The following MCTP1 variants were observed in gnomAD, a reference collection of about 807,000 sequenced individuals.
MCTP1 encodes the protein multiple C2 and transmembrane domain-containing protein 1.
In MCTP1, 69 loss-of-function variants were observed where a neutral mutation model predicts 120.6. The ratio of observed to expected loss-of-function variants is 0.57; its 90% CI spans 0.47 to 0.70. The LOEUF (loss-of-function observed/expected upper bound fraction) is 0.70. Ranked by LOEUF, MCTP1 falls within the 30% of genes least tolerant of loss-of-function variation. MCTP1 has a pLI of 0.00. For missense variants in MCTP1, 1,203 were observed against 1,248.8 expected (o/e 0.96, Z 0.55); for synonymous variants, 529 against 493.1 (o/e 1.07, Z -0.96).
chr5:95,181,586 C>CACAT (rs1016749283), intron 1 of MCTP1, among the ~76,000 whole-genome samples: 2 of 152,014 alleles, frequency 1.3e-5, no homozygotes, highest in African/African-American at 4.8e-5. Context: ...AGTACACACA[C>CACAT]ACATACATAC....
chr5:94,838,880 G>C (rs1790392991), intron 17 of MCTP1, among the ~76,000 whole-genome samples: 1 of 152,140 alleles, frequency 6.6e-6, no homozygotes, highest in African/African-American at 2.4e-5. Flanking sequence ...GTAGCCAGGG[G>C]CAGATGTGGA....
At chr5:94,878,044 C>A (rs1316652687) in intron 12 of MCTP1, among the ~76,000 whole-genome samples, 2 of 152,042 alleles carry the variant, frequency 1.3e-5, no homozygotes, top group Non-Finnish European at 2.9e-5. Flanking sequence ...TTATTTTGGG[C>A]CTACCTTGTA....
intron 2 of MCTP1, among the ~76,000 whole-genome samples, chr5:95,003,383 T>C (rs972606212): frequency 2.0e-5 from 3 of 152,142 alleles, no homozygotes; most frequent in South Asian, 2.1e-4. Context: ...CTAAGAGCAA[T>C]GGGCTATAGC....
intron 19 of MCTP1, among the ~76,000 whole-genome samples, chr5:94,770,952 A>C (rs746199046): frequency 3.9e-5 from 6 of 152,176 alleles, no homozygotes; most frequent in Non-Finnish European, 8.8e-5. Flanking sequence ...CAGTGTTTCC[A>C]GCACTTATTG....
intron 17 of MCTP1, among the ~76,000 whole-genome samples, chr5:94,832,609 AACACACACAC>A (rs59233492): frequency 3.5e-4 from 52 of 147,220 alleles, no homozygotes; most frequent in Middle Eastern, 3.5e-3. Flanking sequence ...GGGCTAGCTG[AACACACACAC>A]ACACACACAC....
chr5:94,993,582 G>A (rs923463413), intron 2 of MCTP1, among the ~76,000 whole-genome samples: 1 of 152,086 alleles, frequency 6.6e-6, no homozygotes, highest in Non-Finnish European at 1.5e-5. Context: ...ATGGGATGAG[G>A]GGCTGCTGTG....
intron 17 of MCTP1, among the ~76,000 whole-genome samples, chr5:94,856,807 A>G (rs953433550): frequency 1.3e-5 from 2 of 151,724 alleles, no homozygotes; most frequent in Non-Finnish European, 2.9e-5. Context: ...GAGAGAGACT[A>G]ATGTTGTGGC....
chr5:95,054,885 G>T (rs952836028), intron 1 of MCTP1, among the ~76,000 whole-genome samples: 3 of 152,144 alleles, frequency 2.0e-5, no homozygotes, highest in Admixed American at 6.6e-5. Flanking sequence ...TCAGCTCACT[G>T]CAACCTCCGC....
At chr5:94,985,571 C>T (rs1830290718) in intron 2 of MCTP1, among the ~76,000 whole-genome samples, 1 of 152,120 alleles carries the variant, frequency 6.6e-6, no homozygotes, top group African/African-American at 2.4e-5. Context: ...ATTCCAAACC[C>T]AAGTCCTACT....
In MCTP1 at chr5:94,889,651, A is replaced by C. The variant is rs1696214534; in HGVS notation, c.1840-679T>G. On this transcript the variant is annotated intron_variant, in intron 11 of 22. Coordinates refer to ENST00000515393, the MANE Select transcript of MCTP1 (RefSeq NM_024717.7). ...AATTTATAGTTTTATTTGCCATTTT[A>C]GTATGTATAGAATGGAAACGTTGAT... 2.0e-5 allele frequency among the ~76,000 whole-genome samples: 3 copies of C among 152,016 alleles called. No homozygotes were observed. The South Asian group carries it at 6.2e-4, about 32-fold the overall frequency.
chr5:95,086,568 T>C (rs1019583650), intron 1 of MCTP1, among the ~76,000 whole-genome samples: 3 of 152,218 alleles, frequency 2.0e-5, no homozygotes, highest in Non-Finnish European at 4.4e-5. Context: ...CTGTGAGATA[T>C]AGTAAGACCT....
intron 1 of MCTP1, among the ~76,000 whole-genome samples, chr5:95,134,885 C>G (rs1759313523): frequency 6.7e-6 from 1 of 149,304 alleles, no homozygotes; most frequent in South Asian, 2.1e-4. Flanking sequence ...ATTGAAGTTA[C>G]TGTTTTTGAC....
At chr5:95,215,907 C>A (rs989488075) in intron 1 of MCTP1, among the ~76,000 whole-genome samples, 1 of 151,844 alleles carries the variant, frequency 6.6e-6, no homozygotes, top group African/African-American at 2.4e-5. Flanking sequence ...ACTTTTAATA[C>A]CTAAAGAATT....
intron 19 of MCTP1, among the ~76,000 whole-genome samples, chr5:94,747,944 G>C (rs1038849451): frequency 6.6e-6 from 1 of 152,052 alleles, no homozygotes; most frequent in African/African-American, 2.4e-5. Context: ...TATAAAAATT[G>C]CTCGGCGTAG....
chr5:95,164,891 T>C (rs1049178679), intron 1 of MCTP1, among the ~76,000 whole-genome samples: 3 of 152,148 alleles, frequency 2.0e-5, no homozygotes, highest in African/African-American at 7.2e-5. Context: ...TTTCTCTAAG[T>C]GGTCATTCAA....
At chr5:94,838,692 C>T (rs1790340922) in intron 17 of MCTP1, among the ~76,000 whole-genome samples, 1 of 152,184 alleles carries the variant, frequency 6.6e-6, no homozygotes, top group South Asian at 2.1e-4. Context: ...TAGCCAGATA[C>T]ATAGGAAGTG....
In MCTP1 at chr5:94,706,499, A is replaced by ATTCTC. The variant is rs1029621272; in HGVS notation, c.*992_*996dup. 8 of 151,632 alleles carry ATTCTC rather than the reference A, an allele frequency of 5.3e-5. No homozygotes were observed. Among genetic ancestry groups the ATTCTC allele is most frequent in the African/African-American group, 1.9e-4 (8 of 41,352 alleles). 9.4% of individuals were successfully genotyped at this position (151,632 alleles called of 1,614,324 possible). ...ACTGGCATATCACTTAGCACACTGA[A>ATTCTC]TTCTCTACATTAAAATTCACACTAA... is the stretch of plus-strand genomic sequence containing the variant. On this transcript the variant is annotated 3_prime_UTR_variant, in exon 23 of 23. Transcript: ENST00000515393.
chr5:95,172,893 A>G (rs1355670702), intron 1 of MCTP1, among the ~76,000 whole-genome samples: 1 of 152,144 alleles, frequency 6.6e-6, no homozygotes, highest in Non-Finnish European at 1.5e-5. Flanking sequence ...AACACCCTAG[A>G]GCTTAACAAT....
intron 1 of MCTP1, among the ~76,000 whole-genome samples, chr5:95,177,014 G>A (rs568645705): frequency 8.6e-5 from 13 of 151,464 alleles, no homozygotes; most frequent in South Asian, 2.1e-4. Flanking sequence ...ACAGGCGCCC[G>A]CCACCATGCC....
Sources: allele counts gnomAD v4.1 joint callset (sites outside exome capture counted in the v4.1 genomes callset), GRCh38; gene constraint gnomAD v4.1.1; transcripts MANE v1.5; gene names NCBI Gene and HGNC (gene_info 2026-07-23, HGNC 2026-07-21).